The following FAM47E variants were observed in gnomAD, a reference collection of about 807,000 sequenced individuals.
The protein encoded by FAM47E is protein FAM47E.
Under a neutral mutation model 41.6 loss-of-function variants are expected in FAM47E, and 32 were observed. That is an observed-to-expected ratio of 0.77 (90% CI 0.58 to 1.03). FAM47E has a LOEUF of 1.03. FAM47E is among the 50% of genes least tolerant of loss of function. FAM47E has a pLI of 0.00. For missense variants in FAM47E, 424 were observed against 485.4 expected (o/e 0.87, Z 1.19); for synonymous variants, 184 against 188.7 (o/e 0.98, Z 0.20).
intron 7 of FAM47E, chr4:76,281,846 GAC>G (rs1389794539): frequency 1.3e-5 from 2 of 152,166 alleles, no homozygotes; most frequent in African/African-American, 4.8e-5. Flanking sequence ...AGAAATAATA[GAC>G]ACACACAAGA....
At chr4:76,244,368 AG>A (rs1460627235) in intron 2 of FAM47E, among the ~76,000 whole-genome samples, 2 of 152,082 alleles carry the variant, frequency 1.3e-5, no homozygotes, top group Non-Finnish European at 2.9e-5. Context: ...ACAGTGTAAA[AG>A]CATACCTATT....
In FAM47E at chr4:76,283,097, C is replaced by T. The variant is rs1470146780; in HGVS notation, c.1105-284C>T. On this transcript the variant is annotated intron_variant, in intron 7 of 7. Coordinates refer to ENST00000424749, the MANE Select transcript of FAM47E (RefSeq NM_001136570.3). Reference sequence around the variant, plus strand: ...TCTGCTGCACGGATGGATCCCAAGCCTTAGTAGCAGGGATGGGCAGCACAA... The same window carrying T: ...TCTGCTGCACGGATGGATCCCAAGCTTTAGTAGCAGGGATGGGCAGCACAA... 3.1e-5 allele frequency: 8 copies of T among 258,236 alleles called. No homozygotes were observed. In the Admixed American group the frequency reaches 3.9e-4, roughly 13 times the overall value. The allele number at this position is 258,236 out of a possible 1,614,324, so 16.0% of individuals were successfully genotyped here.
chr4:76,219,747 C>A (rs1478386635), intron 2 of FAM47E, among the ~76,000 whole-genome samples: 1 of 151,882 alleles, frequency 6.6e-6, no homozygotes, highest in East Asian at 1.9e-4. Context: ...GAATGGGGGG[C>A]TTAGATATTA....
chr4:76,256,689 C>T (rs1560742846), intron 2 of FAM47E, among the ~76,000 whole-genome samples, 166 bp downstream of exon 2: 2 of 152,162 alleles, frequency 1.3e-5, no homozygotes. Flanking sequence ...GCCTTCTGTC[C>T]TCTGTTCCCA....
chr4:76,234,042 G>A (rs971282192), intron 2 of FAM47E, among the ~76,000 whole-genome samples: 27 of 152,218 alleles, frequency 1.8e-4, no homozygotes, highest in Non-Finnish European at 3.5e-4. Context: ...GGTCAGAGAT[G>A]GCCTTTCAGG....
chr4:76,250,054 T>C (rs980369078), upstream of FAM47E, among the ~76,000 whole-genome samples: 1 of 152,178 alleles, frequency 6.6e-6, no homozygotes, highest in African/African-American at 2.4e-5. Context: ...TAATGACTTT[T>C]CTTCCTCTGG....
At chr4:76,272,939 G>T (rs12643334) in intron 5 of FAM47E, among the ~76,000 whole-genome samples, 54,384 of 151,852 alleles carry the variant, frequency 0.36, 10,307 homozygotes, top group Admixed American at 0.42. Flanking sequence ...TTTCTTCCAG[G>T]GTGGATCTGC....
At chr4:76,221,913 A>G (rs1733316048) in intron 2 of FAM47E, among the ~76,000 whole-genome samples, 1 of 152,206 alleles carries the variant, frequency 6.6e-6, no homozygotes, top group South Asian at 2.1e-4. Flanking sequence ...TAAAATAAAA[A>G]TCAAAGGAAA....
chr4:76,258,483 C>T (rs977640652), intron 2 of FAM47E, among the ~76,000 whole-genome samples: 1 of 152,128 alleles, frequency 6.6e-6, no homozygotes, highest in Admixed American at 6.5e-5. Context: ...AGACAGTGGG[C>T]AGTCAAAAAC....
rs1233016488 is a variant in FAM47E at position 76,278,145 on chromosome 4, G to A, written c.947G>A (p.Arg316Lys). The change falls in exon 6 of 8, where the codon AGA becomes AAA. Residue 316 changes from arginine to lysine, a missense_variant. Physicochemically the swap from Arg to Lys is conservative, Grantham distance 26. Transcript: ENST00000424749. ...AACCCCAAGTTGTGGAAAAAGCAAA[G>A]AGTAGACGAGCCTCTGGTTGACCCT... The part of the protein sequence containing the change: ...YLNPKLWKKQ[R>K]VDEPLVDPEV... 2.6e-6 allele frequency: 4 copies of A among 1,550,984 alleles called. No homozygotes were observed. Among genetic ancestry groups the A allele is most frequent in the East Asian group, 2.4e-5 (1 of 40,874 alleles).
chr4:76,242,342 C>CA (rs779011787), intron 2 of FAM47E, among the ~76,000 whole-genome samples: 2 of 152,168 alleles, frequency 1.3e-5, no homozygotes, highest in Non-Finnish European at 2.9e-5. Context: ...CTCTTGCTCC[C>CA]ACTGTCACCA....
chr4:76,254,148 AAAAAG>A (rs1734090321), intron 1 of FAM47E, among the ~76,000 whole-genome samples: 1 of 151,742 alleles, frequency 6.6e-6, no homozygotes, highest in East Asian at 1.9e-4. Context: ...AAAAAAACAG[AAAAAG>A]AAAAGTGAAG....
intron 2 of FAM47E, among the ~76,000 whole-genome samples, chr4:76,237,334 G>T (rs2109989246): frequency 1.3e-5 from 2 of 148,480 alleles, no homozygotes; most frequent in Non-Finnish European, 1.5e-5. Context: ...CCATTCAGAT[G>T]GTTGAGGGGC....
At chr4:76,256,576 T>C (rs896946996) in intron 2 of FAM47E, 53 bp downstream of exon 2, 17 of 1,476,972 alleles carry the variant, frequency 1.2e-5, no homozygotes, top group Non-Finnish European at 1.4e-5. Flanking sequence ...TTGCAAATAA[T>C]TCTATCTAAA....
upstream of FAM47E, among the ~76,000 whole-genome samples, chr4:76,248,071 C>T (rs192429343): frequency 6.3e-3 from 952 of 151,668 alleles, 10 homozygotes; most frequent in African/African-American, 0.021. Context: ...CCCACCACCA[C>T]GCCTGGCTAA....
At chr4:76,251,573 G>A (rs1187602060), upstream of FAM47E, 15 of 1,276,994 alleles carry the variant, frequency 1.2e-5, no homozygotes, top group Non-Finnish European at 1.4e-5. Flanking sequence ...CCTCGGCCAG[G>A]TCCACGTCCC....
At chr4:76,241,717 A>T (rs1300320517) in intron 2 of FAM47E, among the ~76,000 whole-genome samples, 1 of 152,202 alleles carries the variant, frequency 6.6e-6, no homozygotes, top group African/African-American at 2.4e-5. Flanking sequence ...GGGAAGTCGG[A>T]TTCCTGGTGC....
chr4:76,221,176 G>T (rs1212255400), intron 2 of FAM47E, among the ~76,000 whole-genome samples: 2 of 152,210 alleles, frequency 1.3e-5, no homozygotes, highest in Non-Finnish European at 2.9e-5. Context: ...AAGGGGACAG[G>T]CTTTCTCCTC....
At chr4:76,276,364 G>T (rs369649671) in intron 5 of FAM47E, among the ~76,000 whole-genome samples, 11 of 140,730 alleles carry the variant, frequency 7.8e-5, no homozygotes, top group Admixed American at 2.2e-4. Flanking sequence ...ACTTTTTTTT[G>T]TTTGTTTGTT....
Sources: gnomAD v4.1 joint callset for allele counts (sites outside exome capture counted in the v4.1 genomes callset) on GRCh38, gnomAD v4.1.1 for gene constraint, MANE v1.5 for transcripts, NCBI Gene and HGNC (gene_info 2026-07-23, HGNC 2026-07-21) for gene names.